The following CSMD2 variants were observed in gnomAD, a reference collection of about 807,000 sequenced individuals.
CSMD2 encodes the protein CUB and Sushi multiple domains 2, also known as CUB and sushi domain-containing protein 2.
CSMD2 carries 130 observed loss-of-function variants against 398.5 expected under a neutral mutation model. The observed-to-expected ratio is 0.33, with a 90% CI of 0.28 to 0.38. CSMD2 has a LOEUF of 0.38. Among genes scored for constraint, CSMD2 ranks in the 10% least tolerant of loss-of-function variants. The probability of loss-of-function intolerance (pLI) is 1.00; values close to 1 mark genes in which losing one functional copy is unlikely to be tolerated. For synonymous variants in CSMD2, 1,828 were observed against 1,908.5 expected (o/e 0.96, Z 1.10); for missense variants, 3,829 against 4,764.9 (o/e 0.80, Z 5.78).
intron 3 of CSMD2, among the ~76,000 whole-genome samples, chr1:33,983,393 G>A (rs1646239900): frequency 6.6e-6 from 1 of 152,172 alleles, no homozygotes; most frequent in Non-Finnish European, 1.5e-5. Context: ...TTTCCCTGTG[G>A]GAAGTTCTAG....
At chr1:34,094,973 A>G (rs1659108334) in intron 1 of CSMD2, among the ~76,000 whole-genome samples, 1 of 141,384 alleles carries the variant, frequency 7.1e-6, no homozygotes, top group African/African-American at 2.7e-5. Context: ...TCAGCACCAC[A>G]CCACACCTAT....
At chr1:33,883,127 C>T (rs976925171) in intron 5 of CSMD2, among the ~76,000 whole-genome samples, 14 of 152,342 alleles carry the variant, frequency 9.2e-5, no homozygotes, top group Admixed American at 1.3e-4. Context: ...TTGACTCCTG[C>T]AACTACCCAT....
intron 70 of CSMD2, among the ~76,000 whole-genome samples, chr1:33,516,905 G>A (rs1236309265): frequency 2.7e-5 from 4 of 149,804 alleles, no homozygotes; most frequent in Non-Finnish European, 3.0e-5. Context: ...AAAATCAGAT[G>A]AAAAAAAAAA....
rs6666811 is a variant in CSMD2 at position 33,999,652 on chromosome 1, A to G, written c.517+32942T>C. Among the ~76,000 whole-genome samples the G allele has an allele frequency of 9.4e-3, 1,436 of 152,146 alleles. 21 individuals are homozygous for G. Among genetic ancestry groups the G allele is most frequent in the African/African-American group, 0.033 (1,373 of 41,498 alleles). Reference sequence around the variant, plus strand: ...AGTGATCCTCTTGCCACAGTCATTCAAAGTGCTAGGATTACAGATACATAA... The same window carrying G: ...AGTGATCCTCTTGCCACAGTCATTCGAAGTGCTAGGATTACAGATACATAA... On this transcript the variant is annotated intron_variant, in intron 3 of 70. Transcript: ENST00000373381.
intron 6 of CSMD2, chr1:33,840,080 T>G (rs561094159): frequency 6.6e-6 from 1 of 152,338 alleles, no homozygotes; most frequent in South Asian, 2.1e-4. Context: ...CTGGAATTCC[T>G]AAAGAAGAGA....
chr1:33,909,082 A>G (rs566041810), intron 5 of CSMD2, among the ~76,000 whole-genome samples: 2 of 152,180 alleles, frequency 1.3e-5, no homozygotes, highest in Non-Finnish European at 1.5e-5. Context: ...CTCAGCCAAC[A>G]TGGGTTCAGC....
chr1:33,651,892 C>G (rs1244932376), intron 28 of CSMD2, among the ~76,000 whole-genome samples: 2 of 151,860 alleles, frequency 1.3e-5, no homozygotes, highest in Admixed American at 6.6e-5. Flanking sequence ...TTTTCTGTAG[C>G]AGGAATGGAA....
chr1:33,543,756 C>T (rs571438572), intron 57 of CSMD2, among the ~76,000 whole-genome samples: 1 of 152,212 alleles, frequency 6.6e-6, no homozygotes, highest in Admixed American at 6.5e-5. Context: ...CATTTTCTAT[C>T]ATCAAATATT....
intron 3 of CSMD2, among the ~76,000 whole-genome samples, chr1:34,015,226 G>A (rs1440143255): frequency 6.6e-6 from 1 of 152,144 alleles, no homozygotes; most frequent in African/African-American, 2.4e-5. Flanking sequence ...TGGGATCTTG[G>A]AGGGGAAGCA....
chr1:33,734,653 C>T (rs1438939953), intron 15 of CSMD2, among the ~76,000 whole-genome samples: 1 of 151,856 alleles, frequency 6.6e-6, no homozygotes, highest in Non-Finnish European at 1.5e-5. Context: ...GGCATGGTTG[C>T]ATACACCTGT....
chr1:34,153,066 G>A (rs1031468130), intron 1 of CSMD2, among the ~76,000 whole-genome samples: 1 of 152,142 alleles, frequency 6.6e-6, no homozygotes, highest in Non-Finnish European at 1.5e-5. Flanking sequence ...ACCCCAGGTG[G>A]AATGCAGTGG....
chr1:33,626,391 C>T (rs1642130403), intron 33 of CSMD2, 95 bp downstream of exon 33: 2 of 819,296 alleles, frequency 2.4e-6, no homozygotes, highest in Non-Finnish European at 3.7e-6. Context: ...GAGAAAGGGA[C>T]TCAGACTAGA....
chr1:33,659,874 G>A (rs1228157395), intron 26 of CSMD2, among the ~76,000 whole-genome samples: 2 of 152,216 alleles, frequency 1.3e-5, no homozygotes, highest in Non-Finnish European at 2.9e-5. Flanking sequence ...TGTAAATAAA[G>A]TTTTACTGGA....
At chr1:33,583,939 G>T in intron 46 of CSMD2, 109 bp from the exon 47 acceptor site, 1 of 891,216 alleles carries the variant, frequency 1.1e-6, no homozygotes, top group Non-Finnish European at 1.7e-6. Flanking sequence ...ATCAGTATTT[G>T]AGCACATTCA....
chr1:33,589,313 G>C (rs1639281674), intron 44 of CSMD2, among the ~76,000 whole-genome samples: 1 of 152,180 alleles, frequency 6.6e-6, no homozygotes, highest in Admixed American at 6.5e-5. Flanking sequence ...CCCAGTTCAT[G>C]TAATGATTGT....
Position 33,633,435 on chromosome 1 carries a change from C to G in CSMD2, c.5187G>C (p.Ser1729=), listed in dbSNP as rs774168402. 1 of 1,552,082 alleles carries G rather than the reference C, an allele frequency of 6.4e-7. No homozygotes were observed. Among genetic ancestry groups the G allele is most frequent in the Non-Finnish European group, 8.7e-7 (1 of 1,147,400 alleles). ...AGCCCCGGATACCTGTATGGGAGCC[C>G]GAGAGGGAGCTGAGGAGCCGCGAGT... ...SQHSRLLSSL[S]GSHTGESLPL... Residue 1729 remains serine (S), a synonymous_variant, in exon 32 of 71, where the codon TCG becomes TCC. Transcript: ENST00000373381. This position sits in a 1 kb window ranked among gnomAD's most constrained non-coding sequence, Gnocchi z 5.0.
intron 27 of CSMD2, 88 bp from the exon 28 acceptor site, chr1:33,652,549 G>C (rs962208023): frequency 2.0e-6 from 3 of 1,465,900 alleles, no homozygotes; most frequent in Non-Finnish European, 2.8e-6. Flanking sequence ...TGAGAGAGGA[G>C]AGGCTGAGGC....
chr1:33,723,142 T>C (rs1265027011), intron 19 of CSMD2, among the ~76,000 whole-genome samples: 1 of 152,258 alleles, frequency 6.6e-6, no homozygotes, highest in African/African-American at 2.4e-5. Flanking sequence ...ACCACATTGT[T>C]AACATTAATT....
At chr1:33,903,404 C>G (rs539018973) in intron 5 of CSMD2, among the ~76,000 whole-genome samples, 1 of 151,834 alleles carries the variant, frequency 6.6e-6, no homozygotes, top group Non-Finnish European at 1.5e-5. Context: ...CTGATCAGCC[C>G]GCTCTGGCCA....
Sources: gnomAD v4.1 joint callset for allele counts (sites outside exome capture counted in the v4.1 genomes callset) on GRCh38, gnomAD v4.1.1 for gene constraint, Gnocchi (gnomAD v3.1) non-coding constraint, MANE v1.5 for transcripts, NCBI Gene and HGNC (gene_info 2026-07-23, HGNC 2026-07-21) for gene names.